The following RNF182 variants were observed in gnomAD, a reference collection of about 807,000 sequenced individuals.
RNF182 encodes ring finger protein 182.
In RNF182, 15 loss-of-function variants were observed where a neutral mutation model predicts 14.4. The observed-to-expected ratio is 1.04, with a 90% CI of 0.70 to 1.60. RNF182 has a LOEUF of 1.60. RNF182 is among the 40% of genes most tolerant of loss of function. The pLI is 0.00. For missense variants in RNF182, 268 were observed against 294.8 expected, an observed-to-expected ratio of 0.91 and a Z score of 0.67; for synonymous variants, 128 against 122.9, an observed-to-expected ratio of 1.04 and a Z score of -0.27.
At chr6:13,948,191 C>T (rs1000223739) in intron 1 of RNF182, among the ~76,000 whole-genome samples, 15 of 152,090 alleles carry the variant, frequency 9.9e-5, no homozygotes, top group East Asian at 7.7e-4. Context: ...AGTTTTTCTT[C>T]GTTTTAATGG....
At chr6:13,969,713 T>G (rs1760127579) in intron 1 of RNF182, among the ~76,000 whole-genome samples, 1 of 152,238 alleles carries the variant, frequency 6.6e-6, no homozygotes, top group South Asian at 2.1e-4. Flanking sequence ...AACAATCATT[T>G]GCCCAATAGT....
intron 1 of RNF182, among the ~76,000 whole-genome samples, chr6:13,934,029 A>T (rs1303574041): frequency 6.6e-6 from 1 of 152,224 alleles, no homozygotes; most frequent in Non-Finnish European, 1.5e-5. Context: ...AAAACAGGAA[A>T]AAAAATTAAA....
chr6:13,933,714 A>G (rs1457890367), intron 1 of RNF182, among the ~76,000 whole-genome samples: 3 of 152,114 alleles, frequency 2.0e-5, no homozygotes, highest in Non-Finnish European at 4.4e-5. Context: ...TTTGGAGGAT[A>G]TATTTTCAGC....
At chr6:13,952,928 A>G (rs987527834) in intron 1 of RNF182, among the ~76,000 whole-genome samples, 1 of 152,236 alleles carries the variant, frequency 6.6e-6, no homozygotes, top group Non-Finnish European at 1.5e-5. Context: ...GGCTTGTGAC[A>G]AAGGACTGTT....
At chr6:13,950,536 C>A (rs1295273106) in intron 1 of RNF182, among the ~76,000 whole-genome samples, 2 of 125,518 alleles carry the variant, frequency 1.6e-5, no homozygotes, top group Non-Finnish European at 3.2e-5. Flanking sequence ...CCTGCTCTGT[C>A]TCCCACGTTG....
chr6:13,949,406 A>G (rs747718255), intron 1 of RNF182: 17 of 743,288 alleles, frequency 2.3e-5, no homozygotes, highest in Non-Finnish European at 4.0e-5. Flanking sequence ...AAAAGGCAAG[A>G]GAAAGACTGT....
chr6:13,926,047 A>G (rs1331123092), intron 1 of RNF182, among the ~76,000 whole-genome samples: 1 of 152,194 alleles, frequency 6.6e-6, no homozygotes, highest in Non-Finnish European at 1.5e-5. Flanking sequence ...AATACAGTTG[A>G]TCAATTCAGA....
Position 13,927,334 on chromosome 6 carries a change from A to G in RNF182, c.-367+2311A>G, listed in dbSNP as rs187807609. Reference sequence around the variant, plus strand: ...CAAACAGCAATTGTGTTTTCTGTCCATGGTTTAGCCACCTGGTGGAAGCAG... The same window carrying G: ...CAAACAGCAATTGTGTTTTCTGTCCGTGGTTTAGCCACCTGGTGGAAGCAG... On this transcript the variant is annotated intron_variant, in intron 1 of 2. Coordinates refer to ENST00000488300, the MANE Select transcript of RNF182 (RefSeq NM_152737.4). Among the ~76,000 whole-genome samples, 49 of 152,334 alleles carry G rather than the reference A, an allele frequency of 3.2e-4. No homozygotes were observed. The East Asian group carries it at 8.9e-3, about 28-fold the overall frequency.
At position 13,977,389 on chromosome 6, in the gene RNF182, C is replaced by G. The variant is rs1581264825; in HGVS notation, c.270C>G (p.Asn90Lys). Residue 90 changes from asparagine (N) to lysine (K), a missense_variant, in exon 3 of 3, where the codon AAC becomes AAG. Asn to Lys is a moderately conservative substitution (Grantham distance 94). Transcript: ENST00000488300. The part of the protein sequence containing the change: ...SLPDDNNILV[N>K]LTCGGKGKKC... ...CCGATGACAACAACATCCTTGTAAA[C>G]TTGACTTGTGGAGGCAAAGGGAAGA... The G allele has an allele frequency of 6.2e-7, 1 of 1,614,136 alleles. No individual in the cohort carries two copies. Among genetic ancestry groups the G allele is most frequent in the Non-Finnish European group, 8.5e-7 (1 of 1,180,022 alleles).
intron 1 of RNF182, among the ~76,000 whole-genome samples, chr6:13,958,164 G>C (rs1759775214): frequency 6.6e-6 from 1 of 152,032 alleles, no homozygotes. Context: ...GAGGCAGGCA[G>C]ATCACGAGGT....
chr6:13,946,197 T>G (rs1759439237), intron 1 of RNF182, among the ~76,000 whole-genome samples: 1 of 138,294 alleles, frequency 7.2e-6, no homozygotes, highest in Non-Finnish European at 1.6e-5. Flanking sequence ...GATAGAGTCC[T>G]GCTCTGTTGC....
chr6:13,947,364 A>G (rs1278301960), intron 1 of RNF182, among the ~76,000 whole-genome samples: 1 of 152,344 alleles, frequency 6.6e-6, no homozygotes, highest in East Asian at 1.9e-4. Flanking sequence ...TAAACAAACC[A>G]TGGTAGGACT....
intron 1 of RNF182, among the ~76,000 whole-genome samples, chr6:13,963,859 T>C (rs1012411632): frequency 6.6e-6 from 1 of 152,146 alleles, no homozygotes; most frequent in Non-Finnish European, 1.5e-5. Context: ...TTTGTACAGG[T>C]CTGTGGAGAA....
intron 1 of RNF182, among the ~76,000 whole-genome samples, chr6:13,972,055 C>T (rs905146006): frequency 3.3e-5 from 5 of 152,038 alleles, no homozygotes; most frequent in South Asian, 2.1e-4. Context: ...AATCCCAGCA[C>T]CTTGGGAGGC....
At chr6:13,957,027 C>G (rs1380409901) in intron 1 of RNF182, among the ~76,000 whole-genome samples, 1 of 152,134 alleles carries the variant, frequency 6.6e-6, no homozygotes, top group Non-Finnish European at 1.5e-5. Flanking sequence ...CACACAGTTT[C>G]CACACCAAGG....
intron 1 of RNF182, among the ~76,000 whole-genome samples, chr6:13,960,673 G>A (rs1759850760): frequency 9.5e-6 from 1 of 105,552 alleles, no homozygotes; most frequent in South Asian, 3.4e-4. Flanking sequence ...GTGTGTGTGT[G>A]TGTGTGTGTG....
chr6:13,929,267 T>C (rs1488779827), intron 1 of RNF182, among the ~76,000 whole-genome samples: 2 of 152,156 alleles, frequency 1.3e-5, no homozygotes, highest in African/African-American at 4.8e-5. Flanking sequence ...GGCCAACATA[T>C]TGTATTTGAG....
At chr6:13,937,444 T>C (rs1472136921) in intron 1 of RNF182, among the ~76,000 whole-genome samples, 1 of 152,264 alleles carries the variant, frequency 6.6e-6, no homozygotes, top group African/African-American at 2.4e-5. Flanking sequence ...GTGTGTATGA[T>C]AGCTTTCACC....
In RNF182 at chr6:13,977,414, A is replaced by C. The variant is rs1760360180; in HGVS notation, c.295A>C (p.Lys99Gln). ...CTTGACTTGTGGAGGCAAAGGGAAGAAGTGCCTGCCAGAGAACCCTACTGA... is the reference window on the plus strand; with the variant it reads ...CTTGACTTGTGGAGGCAAAGGGAAGCAGTGCCTGCCAGAGAACCCTACTGA... ...VNLTCGGKGK[K>Q]CLPENPTELL... The change falls in exon 3 of 3, where the codon AAG becomes CAG. Residue 99 changes from lysine to glutamine, a missense_variant. By Grantham distance (53) the Lys-to-Gln change is moderately conservative. Transcript: ENST00000488300. 1.2e-6 allele frequency: 2 copies of C among 1,614,062 alleles called. No individual in the cohort carries two copies. The highest frequency in any genetic ancestry group is 2.7e-5 in the African/African-American group (2 of 74,912).
Sources: gnomAD v4.1 joint callset for allele counts (sites outside exome capture counted in the v4.1 genomes callset) on GRCh38, gnomAD v4.1.1 for gene constraint, MANE v1.5 for transcripts, NCBI Gene and HGNC (gene_info 2026-07-23, HGNC 2026-07-21) for gene names.